PCCB: variants seen among roughly 807,000 people sequenced by gnomAD.
The protein encoded by PCCB is propionyl-CoA carboxylase beta chain, mitochondrial.
A neutral mutation model predicts 60.7 loss-of-function variants in PCCB; 43 were observed. The observed-to-expected ratio is 0.71, with a 90% CI of 0.55 to 0.91. The LOEUF (loss-of-function observed/expected upper bound fraction) is 0.91, where lower values mean the gene tolerates loss of function less well. Among genes scored for constraint, PCCB ranks in the 40% least tolerant of loss-of-function variants. The probability of loss-of-function intolerance (pLI) is 0.00; values close to 1 mark genes in which losing one functional copy is unlikely to be tolerated. For missense variants in PCCB, 766 were observed against 702.8 expected (o/e 1.09, Z -1.02); for synonymous variants, 276 against 255.9 (o/e 1.08, Z -0.75).
At chr3:136,290,535 G>GT (rs950199836) in intron 6 of PCCB, among the ~76,000 whole-genome samples, 5 of 151,052 alleles carry the variant, frequency 3.3e-5, no homozygotes. Flanking sequence ...TTTGTCTTTT[G>GT]TTTTTTTAGA....
At chr3:136,252,695 G>A (rs539631343) in intron 1 of PCCB, among the ~76,000 whole-genome samples, 93 of 147,248 alleles carry the variant, frequency 6.3e-4, no homozygotes, top group African/African-American at 2.3e-3. Context: ...GTAGAGACAG[G>A]GTCTCGCTTT....
At chr3:136,265,512 A>T (rs1438101077) in intron 5 of PCCB, among the ~76,000 whole-genome samples, 3 of 152,126 alleles carry the variant, frequency 2.0e-5, no homozygotes, top group Non-Finnish European at 4.4e-5. Flanking sequence ...AATAATATCT[A>T]TTGAATATTT....
intron 9 of PCCB, among the ~76,000 whole-genome samples, chr3:136,304,958 G>A (rs112124471): frequency 0.12 from 14,349 of 121,274 alleles, 3,994 homozygotes; most frequent in Non-Finnish European, 0.16. Context: ...CCAAAGTGCT[G>A]GGATTACAGG....
intron 9 of PCCB, among the ~76,000 whole-genome samples, chr3:136,314,304 A>G (rs965110919): frequency 1.3e-5 from 2 of 152,332 alleles, no homozygotes; most frequent in South Asian, 2.1e-4. Flanking sequence ...ATTGATACCT[A>G]TAAGTAAATG....
At chr3:136,268,675 G>A (rs1386409155) in intron 5 of PCCB, among the ~76,000 whole-genome samples, 3 of 151,916 alleles carry the variant, frequency 2.0e-5, no homozygotes, top group African/African-American at 7.3e-5. Context: ...TGTTAGTCAG[G>A]CTGGTCTTGA....
intron 5 of PCCB, among the ~76,000 whole-genome samples, chr3:136,275,170 C>T (rs1942306831): frequency 6.6e-6 from 1 of 151,998 alleles, no homozygotes; most frequent in Non-Finnish European, 1.5e-5. Flanking sequence ...AATTTGAAAG[C>T]CTTGTCTTGG....
At chr3:136,263,368 C>T (rs997036629) in intron 5 of PCCB, among the ~76,000 whole-genome samples, 20 of 151,088 alleles carry the variant, frequency 1.3e-4, no homozygotes, top group Non-Finnish European at 4.4e-5. Flanking sequence ...TGGGCTCAAG[C>T]GATCATCCCA....
intron 10 of PCCB, 58 bp from the exon 11 acceptor site, chr3:136,326,745 T>C: frequency 2.6e-6 from 3 of 1,173,900 alleles, no homozygotes; most frequent in Non-Finnish European, 3.9e-6. Flanking sequence ...AAATCCCCAT[T>C]GTGGATAGAA....
chr3:136,295,994 G>A (rs1933917904), intron 7 of PCCB, among the ~76,000 whole-genome samples: 1 of 152,120 alleles, frequency 6.6e-6, no homozygotes, highest in Non-Finnish European at 1.5e-5. Flanking sequence ...GATGGACTGT[G>A]TCTGATGCAC....
chr3:136,307,924 G>A (rs1165521926), intron 9 of PCCB, among the ~76,000 whole-genome samples: 2 of 151,964 alleles, frequency 1.3e-5, no homozygotes, highest in Non-Finnish European at 2.9e-5. Context: ...GTGGTGAGCC[G>A]AGATTGCACC....
intron 9 of PCCB, among the ~76,000 whole-genome samples, chr3:136,310,115 G>A (rs1934603738): frequency 6.6e-6 from 1 of 151,952 alleles, no homozygotes; most frequent in South Asian, 2.1e-4. Context: ...CTGTAATCCC[G>A]CACTTTGGGA....
At chr3:136,312,635 CT>C (rs1423039159) in intron 9 of PCCB, among the ~76,000 whole-genome samples, 1 of 152,140 alleles carries the variant, frequency 6.6e-6, no homozygotes, top group Non-Finnish European at 1.5e-5. Flanking sequence ...TAAATATAAT[CT>C]GTGAATCCAT....
intron 6 of PCCB, among the ~76,000 whole-genome samples, chr3:136,286,950 C>G (rs7653249): frequency 0.77 from 117,081 of 151,500 alleles, 45,349 homozygotes; most frequent in East Asian, 0.86. Flanking sequence ...AGAATCGCTT[C>G]AACCTGAGAG....
At chr3:136,298,981 A>G (rs1265377665) in intron 8 of PCCB, among the ~76,000 whole-genome samples, 1 of 152,174 alleles carries the variant, frequency 6.6e-6, no homozygotes, top group East Asian at 1.9e-4. Flanking sequence ...CACAAGGGAC[A>G]TACCCAGTGG....
At position 136,259,902 on chromosome 3, in the gene PCCB, A is replaced by G. The variant is rs1451949735; in HGVS notation, c.373-577A>G. On this transcript the variant is annotated intron_variant, in intron 3 of 14. Transcript: ENST00000251654. ...CGAGTAGCTGGGATTACAGGCACAC[A>G]CCACCACGCCCAGCTAATTTTTATA... Among the ~76,000 whole-genome samples the G allele has an allele frequency of 1.8e-4, 24 of 135,998 alleles. 1 individual carries two copies. Among genetic ancestry groups the G allele is most frequent in the South Asian group, 4.9e-4 (2 of 4,072 alleles). The allele number at this position is 135,998 out of a possible 152,430, so 89.2% of individuals were successfully genotyped here.
At chr3:136,324,055 T>C (rs1935208703) in intron 10 of PCCB, among the ~76,000 whole-genome samples, 1 of 151,804 alleles carries the variant, frequency 6.6e-6, no homozygotes. Context: ...GCAATGACTT[T>C]TCCAGAGACT....
rs1942481228 is a variant in PCCB at position 136,281,761 on chromosome 3, T to C, written c.544-2076T>C. On this transcript the variant is annotated intron_variant, in intron 5 of 14. Transcript: ENST00000251654. ...GTTTGGAAGTCTAGTTCTCCTACTT[T>C]TCAGGAATAGCCGATTTTTGCTTGT... Among the ~76,000 whole-genome samples, 4 of 152,198 alleles carry C rather than the reference T, an allele frequency of 2.6e-5. No individual in the cohort carries two copies. The South Asian group carries it at 8.3e-4, about 31-fold the overall frequency.
rs549496407 is a variant in PCCB, at chr3:136,260,355, G to A, written c.373-124G>A. ...GGCCTCCCAAAGTGTTGGGATTACAGGCATGAGCCACCACGCCTGGCCTAA... is the reference window on the plus strand; with the variant it reads ...GGCCTCCCAAAGTGTTGGGATTACAAGCATGAGCCACCACGCCTGGCCTAA... On this transcript the variant is annotated intron_variant, in intron 3 of 14. Coordinates refer to ENST00000251654, the MANE Select transcript of PCCB (RefSeq NM_000532.5). 157 of 791,134 alleles carry A rather than the reference G, an allele frequency of 2.0e-4. No individual in the cohort carries two copies. The African/African-American group carries it at 2.5e-3, about 13-fold the overall frequency. 49.0% of individuals were successfully genotyped at this position (791,134 alleles called of 1,614,324 possible). A position where few individuals can be genotyped will look rare whatever the true frequency, so the allele number is the denominator to read the frequency against.
At chr3:136,268,098 A>ACG (rs1942073255) in intron 5 of PCCB, among the ~76,000 whole-genome samples, 1 of 115,538 alleles carries the variant, frequency 8.7e-6, no homozygotes, top group Non-Finnish European at 1.7e-5. Flanking sequence ...ATATATATAT[A>ACG]TATATATATA....
Sources: allele counts gnomAD v4.1 joint callset (sites outside exome capture counted in the v4.1 genomes callset), GRCh38; gene constraint gnomAD v4.1.1; transcripts MANE v1.5; gene names NCBI Gene and HGNC (gene_info 2026-07-23, HGNC 2026-07-21).